The following COL23A1 variants were observed in gnomAD, a reference collection of about 807,000 sequenced individuals.
The protein encoded by COL23A1 is collagen type XXIII alpha 1 chain.
COL23A1 carries 97 observed loss-of-function variants against 99.3 expected under a neutral mutation model. That is an observed-to-expected ratio of 0.98 (90% CI 0.83 to 1.16). The LOEUF is 1.16. Among genes scored for constraint, COL23A1 ranks in the 50% most tolerant of loss-of-function variants. The pLI is 0.00. For missense variants in COL23A1, 762 were observed against 757.4 expected, an observed-to-expected ratio of 1.01 and a Z score of -0.07; for synonymous variants, 320 against 308.2, an observed-to-expected ratio of 1.04 and a Z score of -0.40.
At chr5:178,257,219 A>G (rs1765354200) in intron 13 of COL23A1, among the ~76,000 whole-genome samples, 1 of 151,822 alleles carries the variant, frequency 6.6e-6, no homozygotes, top group Admixed American at 6.6e-5. Flanking sequence ...GGCTGTTGCG[A>G]GGGGTTGGGG....
In COL23A1 at chr5:178,239,164, G is replaced by T; in HGVS notation, c.1597C>A (p.Pro533Thr). Residue 533 changes from proline to threonine, a missense_variant, in exon 28 of 29, where the codon CCT (proline) becomes ACT (threonine). By Grantham distance (38) the Pro-to-Thr change is conservative (BLOSUM62 -1). Coordinates refer to ENST00000390654, the MANE Select transcript of COL23A1 (RefSeq NM_173465.4). Reference sequence around the variant, plus strand: ...ACCTTATGCCAGCAGCCAGGCACAGGCAGCCCGTCGGGGCCCTGGAAAGGA... The same window carrying T: ...ACCTTATGCCAGCAGCCAGGCACAGTCAGCCCGTCGGGGCCCTGGAAAGGA... The part of the protein sequence containing the change: ...QPCPVGPDGL[P>T]VPGCWHK 3 of 1,614,104 alleles carry T rather than the reference G, an allele frequency of 1.9e-6. No individual in the cohort carries two copies. The highest frequency in any genetic ancestry group is 2.5e-6 in the Non-Finnish European group (3 of 1,179,988).
chr5:178,429,943 G>A (rs745487593), intron 2 of COL23A1, among the ~76,000 whole-genome samples: 3 of 152,100 alleles, frequency 2.0e-5, no homozygotes, highest in Admixed American at 6.5e-5. Context: ...CCCACTGACC[G>A]TGCCTTTCCC....
intron 2 of COL23A1, among the ~76,000 whole-genome samples, chr5:178,349,572 C>G (rs1351717948): frequency 7.0e-6 from 1 of 142,856 alleles, no homozygotes; most frequent in East Asian, 2.4e-4. Flanking sequence ...CCTCCCGTGC[C>G]TCCCGCTTCC....
chr5:178,523,181 C>CAT lies in COL23A1; in HGVS notation c.361+37499_361+37500dup, dbSNP rs375162340. Among the ~76,000 whole-genome samples, 450 of 90,360 alleles carry CAT rather than the reference C, an allele frequency of 5.0e-3. 3 individuals are homozygous for CAT. Among genetic ancestry groups the CAT allele is most frequent in the South Asian group, 0.018 (47 of 2,620 alleles). The allele number at this position is 90,360 out of a possible 152,430, so 59.3% of individuals were successfully genotyped here. On this transcript the variant is annotated intron_variant, in intron 2 of 28. Coordinates refer to ENST00000390654, the MANE Select transcript of COL23A1 (RefSeq NM_173465.4). ...ATATATACATATATATATATATACA[C>CAT]ATATATATATATATATATATAGAGA...
At chr5:178,519,844 AGATG>A (rs1252682143) in intron 2 of COL23A1, among the ~76,000 whole-genome samples, 2 of 152,228 alleles carry the variant, frequency 1.3e-5, no homozygotes, top group African/African-American at 4.8e-5. Context: ...GAGGATGGTC[AGATG>A]GATAGAGAGT....
intron 2 of COL23A1, among the ~76,000 whole-genome samples, chr5:178,469,917 C>A (rs1756650045): frequency 6.6e-6 from 1 of 152,180 alleles, no homozygotes. Context: ...TGATTTTTAT[C>A]TTCCCAGGCA....
chr5:178,260,409 A>G (rs1414194530), intron 11 of COL23A1, among the ~76,000 whole-genome samples: 1 of 152,200 alleles, frequency 6.6e-6, no homozygotes, highest in Non-Finnish European at 1.5e-5. Flanking sequence ...GTGTATTACT[A>G]AGTGAAAGGA....
intron 1 of COL23A1, among the ~76,000 whole-genome samples, chr5:178,573,505 G>A (rs1317042864): frequency 6.6e-6 from 1 of 152,210 alleles, no homozygotes; most frequent in Non-Finnish European, 1.5e-5. Context: ...GTCAGCAAAC[G>A]CATTTCCTCA....
In COL23A1 at chr5:178,590,037, A is replaced by C; in HGVS notation, c.161T>G (p.Leu54Arg). Residue 54 changes from leucine (L) to arginine (R), a missense_variant, in exon 1 of 29, where the codon CTG becomes CGG. By Grantham distance (102) the Leu-to-Arg change is moderately radical. Transcript: ENST00000390654. The surrounding 1 kb of genome is among the most constrained non-coding windows in gnomAD (Gnocchi z 5.7). ...SVGSAAACLL[L>R]GVQAAALQGR... is the part of the protein sequence containing the mutation. ...CTGCAGCGCGGCCGCCTGGACACCC[A>C]GCAGCAGGCAGGCAGCCGCCGAGCC... 3 of 1,353,264 alleles carry C rather than the reference A, an allele frequency of 2.2e-6. No homozygotes were observed. Among genetic ancestry groups the C allele is most frequent in the Non-Finnish European group, 2.9e-6 (3 of 1,049,348 alleles). The allele number at this position is 1,353,264 out of a possible 1,614,324, so 83.8% of individuals were successfully genotyped here.
chr5:178,450,462 C>A (rs1206412849), intron 2 of COL23A1, among the ~76,000 whole-genome samples: 1 of 152,076 alleles, frequency 6.6e-6, no homozygotes, highest in Non-Finnish European at 1.5e-5. Context: ...GAGCAGCCAG[C>A]GGGGGCCAGG....
intron 5 of COL23A1, among the ~76,000 whole-genome samples, chr5:178,275,893 C>A (rs1216815599): frequency 6.6e-6 from 1 of 152,168 alleles, no homozygotes; most frequent in Non-Finnish European, 1.5e-5. Flanking sequence ...CTTAAACACC[C>A]TGGCCCAGAA....
At position 178,307,731 on chromosome 5, in the gene COL23A1, G is replaced by A. The variant is rs531535436; in HGVS notation, c.362-812C>T. Among the ~76,000 whole-genome samples the A allele has an allele frequency of 7.9e-5, 12 of 152,278 alleles. No homozygotes were observed. In the South Asian group the frequency reaches 1.9e-3, roughly 24 times the overall value. Reference sequence around the variant, plus strand: ...GGCGCTCACTGCCATCCTTCCTGGCGCCCCTTCTCGCCCCTGTTTCAGTGA... The same window carrying A: ...GGCGCTCACTGCCATCCTTCCTGGCACCCCTTCTCGCCCCTGTTTCAGTGA... On this transcript the variant is annotated intron_variant, in intron 2 of 28. Transcript: ENST00000390654. This position sits in a 1 kb window ranked among gnomAD's most constrained non-coding sequence, Gnocchi z 4.2.
chr5:178,349,798 C>G (rs1185098788), intron 2 of COL23A1, among the ~76,000 whole-genome samples: 1 of 152,206 alleles, frequency 6.6e-6, no homozygotes, highest in African/African-American at 2.4e-5. Flanking sequence ...GGGGGGAGGT[C>G]TGTGTGGCTT....
Position 178,313,639 on chromosome 5 carries a change from T to A in COL23A1, c.362-6720A>T, listed in dbSNP as rs1758824128. On this transcript the variant is annotated intron_variant, in intron 2 of 28. Transcript: ENST00000390654. The surrounding 1 kb of genome is among the most constrained non-coding windows in gnomAD (Gnocchi z 4.2). ...CTGTGTGTGATTTCCAGTGTGACCATGGCCAAGATTTTCTCATCCCACCAC... is the reference window on the plus strand; with the variant it reads ...CTGTGTGTGATTTCCAGTGTGACCAAGGCCAAGATTTTCTCATCCCACCAC... Among the ~76,000 whole-genome samples, 1 of 152,204 alleles carries A rather than the reference T, an allele frequency of 6.6e-6. No homozygotes were observed. The highest frequency in any genetic ancestry group is 1.5e-5 in the Non-Finnish European group (1 of 68,040).
chr5:178,526,386 A>T (rs952344524), intron 2 of COL23A1, among the ~76,000 whole-genome samples: 1 of 152,164 alleles, frequency 6.6e-6, no homozygotes, highest in Non-Finnish European at 1.5e-5. Context: ...TGGACCAGGG[A>T]ACGTCCTCTA....
At chr5:178,358,273 T>C (rs555974745) in intron 2 of COL23A1, among the ~76,000 whole-genome samples, 4 of 149,972 alleles carry the variant, frequency 2.7e-5, no homozygotes, top group African/African-American at 7.4e-5. Flanking sequence ...TGTGTGTATA[T>C]GTGTGTATGC....
chr5:178,258,823 T>C (rs1471752305), intron 12 of COL23A1, among the ~76,000 whole-genome samples: 3 of 152,030 alleles, frequency 2.0e-5, no homozygotes, highest in African/African-American at 7.2e-5. Flanking sequence ...GCCTTGGAAG[T>C]AGCTGGGACT....
rs1051544916 is a variant in COL23A1 at position 178,434,075 on chromosome 5, T to G, written c.361+126607A>C. Among the ~76,000 whole-genome samples the G allele has an allele frequency of 6.6e-6, 1 of 152,156 alleles. No individual in the cohort carries two copies. The highest frequency in any genetic ancestry group is 1.5e-5 in the Non-Finnish European group (1 of 68,026). ...CGGGCCTGAGAAAATAAATGTCCAT[T>G]GTTGATGCCATCCCAACTGGTACTT... On this transcript the variant is annotated intron_variant, in intron 2 of 28. Transcript: ENST00000390654. This position sits in a 1 kb window ranked among gnomAD's most constrained non-coding sequence, Gnocchi z 4.3.
chr5:178,584,308 C>CCACACACACACA (rs4045513), intron 1 of COL23A1, among the ~76,000 whole-genome samples: 24 of 145,140 alleles, frequency 1.7e-4, no homozygotes, highest in Non-Finnish European at 2.9e-4. Flanking sequence ...CTGCACCTGG[C>CCACACACACACA]CACACACACA....
Sources: gnomAD v4.1 joint callset for allele counts (sites outside exome capture counted in the v4.1 genomes callset) on GRCh38, gnomAD v4.1.1 for gene constraint, Gnocchi (gnomAD v3.1) non-coding constraint, MANE v1.5 for transcripts, NCBI Gene and HGNC (gene_info 2026-07-23, HGNC 2026-07-21) for gene names.